Variants in ZP4 observed in about 807,000 individuals in gnomAD.
ZP4 encodes the protein zona pellucida sperm-binding protein 4.
A neutral mutation model predicts 62.3 loss-of-function variants in ZP4; 62 were observed. The observed-to-expected ratio is 0.99, with a 90% CI of 0.81 to 1.23. ZP4 has a LOEUF of 1.23. Among genes scored for constraint, ZP4 ranks in the 50% most tolerant of loss-of-function variants. ZP4 has a pLI of 0.00. For synonymous variants in ZP4, 289 were observed against 247.3 expected, an observed-to-expected ratio of 1.17 and a Z score of -1.58; for missense variants, 774 against 656.0, an observed-to-expected ratio of 1.18 and a Z score of -1.97.
chr1:237,888,928 G>A (rs1474787908), intron 3 of ZP4, among the ~76,000 whole-genome samples: 1 of 152,146 alleles, frequency 6.6e-6, no homozygotes, highest in African/African-American at 2.4e-5. Context: ...CATTTTATTA[G>A]TGCTGCCCAT....
At chr1:237,887,885 C>T (rs1214668967) in intron 4 of ZP4, among the ~76,000 whole-genome samples, 4 of 108,320 alleles carry the variant, frequency 3.7e-5, no homozygotes, top group Non-Finnish European at 6.6e-5. Context: ...ATAGCGTGTG[C>T]GATTATTAGG....
chr1:237,886,001 G>T, intron 6 of ZP4, 115 bp from the exon 7 acceptor site: 2 of 1,419,796 alleles, frequency 1.4e-6, no homozygotes, highest in Non-Finnish European at 1.9e-6. Context: ...TAAGTGTGAT[G>T]GATGTGGTTC....
At position 237,885,528 on chromosome 1, in the gene ZP4, C is replaced by G. The variant is rs1211390949; in HGVS notation, c.1023G>C (p.Leu341Phe). The change falls in exon 8 of 12, where the codon TTG (leucine) becomes TTC (phenylalanine). Residue 341 changes from leucine to phenylalanine, a missense_variant. Leu to Phe is a conservative substitution (Grantham distance 22). Transcript: ENST00000366570. ...CCTCCACGTAAATGGGATCCCGAAG[C>G]AACTTCACCACTGGGTAGTCACCAA... is the stretch of plus-strand genomic sequence containing the variant. ...YGVGDYPVVK[L>F]LRDPIYVEVS... is the part of the protein sequence containing the mutation. 1 of 1,614,152 alleles carries G rather than the reference C, an allele frequency of 6.2e-7. No individual in the cohort carries two copies. Among genetic ancestry groups the G allele is most frequent in the Non-Finnish European group, 8.5e-7 (1 of 1,180,018 alleles).
At chr1:237,883,814 A>AGAGAGGAAGAGAGAGG (rs1380501431) in intron 10 of ZP4, among the ~76,000 whole-genome samples, 1 of 150,156 alleles carries the variant, frequency 6.7e-6, no homozygotes, top group South Asian at 2.1e-4. Context: ...AGAGAGGGAG[A>AGAGAGGAAGAGAGAGG]AAGGCTGGGC....
intron 5 of ZP4, 46 bp downstream of exon 5, chr1:237,887,328 C>T: frequency 1.9e-6 from 3 of 1,599,004 alleles, no homozygotes. Flanking sequence ...TCACTACAAC[C>T]TTCCCACCCA....
chr1:237,890,031 C>T (rs1665202691), intron 2 of ZP4, 24 bp downstream of exon 2: 2 of 1,614,142 alleles, frequency 1.2e-6, no homozygotes, highest in Non-Finnish European at 1.7e-6. Context: ...CACACAGTCT[C>T]CCTGGCCATT....
chr1:237,884,180 A>C (rs1030841561), intron 10 of ZP4, among the ~76,000 whole-genome samples: 5 of 152,168 alleles, frequency 3.3e-5, no homozygotes, highest in Admixed American at 6.5e-5. Context: ...AGTAGTGATA[A>C]TATGCATTTT....
Position 237,890,569 on chromosome 1 carries a change from G to T in ZP4, c.67C>A (p.Pro23Thr). 4 of 1,614,094 alleles carry T rather than the reference G, an allele frequency of 2.5e-6. No individual in the cohort carries two copies. Among genetic ancestry groups the T allele is most frequent in the Non-Finnish European group, 3.4e-6 (4 of 1,180,018 alleles). The change falls in exon 1 of 12, where the codon CCT (proline) becomes ACT (threonine). Residue 23 changes from proline (P) to threonine (T), a missense_variant. Transcript: ENST00000366570. Reference sequence around the variant, plus strand: ...ACACTGGAATAATCTGGTGCCTCAGGCTTATGCTGGCCACTCACAGCAAGA... The same window carrying T: ...ACACTGGAATAATCTGGTGCCTCAGTCTTATGCTGGCCACTCACAGCAAGA... ...LSLAVSGQHK[P>T]EAPDYSSVLH...
At position 237,888,055 on chromosome 1, in the gene ZP4, C is replaced by T. The variant is rs552848838; in HGVS notation, c.553+303G>A. Reference sequence around the variant, plus strand: ...CAGCCTTGAAGTGACTCTCCCTAAACAATCCAAGACCATCAGCCAAAGTCG... The same window carrying T: ...CAGCCTTGAAGTGACTCTCCCTAAATAATCCAAGACCATCAGCCAAAGTCG... On this transcript the variant is annotated intron_variant, in intron 4 of 11. Transcript: ENST00000366570. 3.3e-5 allele frequency among the ~76,000 whole-genome samples: 5 copies of T among 152,342 alleles called. No homozygotes were observed. In the East Asian group the frequency reaches 9.6e-4, roughly 29 times the overall value.
Position 237,887,496 on chromosome 1 carries a change from G to T in ZP4, c.619C>A (p.Pro207Thr). The T allele has an allele frequency of 6.2e-7, 1 of 1,614,234 alleles. No individual in the cohort carries two copies. The highest frequency in any genetic ancestry group is 8.5e-7 in the Non-Finnish European group (1 of 1,180,046). Residue 207 changes from proline to threonine, a missense_variant, in exon 5 of 12, where the codon CCA (proline) becomes ACA (threonine). Pro to Thr is a conservative substitution (Grantham distance 38). Transcript: ENST00000366570. ...IAVSRNVTSP[P>T]LLLDSVRLAL... ...AAGCGCACAGAATCCAAGAGCAGTG[G>T]TGGCGAGGTCACGTTCCGAGACACA...
rs1464025865 is a variant in ZP4, at chr1:237,890,805, A to G, written c.-170T>C. ...CAGAAAGGGGAATTCCTCTAGCCTC[A>G]TTTGCTTTGGGGCACAGTCTGCAGC... On this transcript the variant is annotated 5_prime_UTR_variant, in exon 1 of 12. It removes an upstream start codon present in the reference 5' UTR. Transcript: ENST00000366570. 2 of 671,746 alleles carry G rather than the reference A, an allele frequency of 3.0e-6. No individual in the cohort carries two copies. The highest frequency in any genetic ancestry group is 5.9e-5 in the East Asian group (2 of 33,784). 41.6% of individuals were successfully genotyped at this position (671,746 alleles called of 1,614,324 possible).
chr1:237,885,488 T>A lies in ZP4; in HGVS notation c.1063A>T (p.Arg355Ter). The A allele has an allele frequency of 6.2e-7, 1 of 1,614,180 alleles. No individual in the cohort carries two copies. Residue 355 changes from arginine to a stop codon, truncating the protein, a stop_gained, in exon 8 of 12, where the codon AGA becomes TGA. Transcript: ENST00000366570. LOFTEE classifies it high-confidence loss of function. ...AGCAGCCCCAGGTAGGGGTCTGTTC[T>A]GTGAAGGATGGAGACCTCCACGTAA... ...PIYVEVSILH[R>*]TDPYLGLLLQ...
intron 1 of ZP4, 103 bp downstream of exon 1, chr1:237,890,358 G>A: frequency 6.7e-7 from 1 of 1,490,026 alleles, no homozygotes; most frequent in Non-Finnish European, 9.2e-7. Flanking sequence ...ATGCAACAGG[G>A]CTCAGAAGGT....
intron 10 of ZP4, among the ~76,000 whole-genome samples, chr1:237,883,992 ACACACACAC>A (rs1665016862): frequency 9.3e-5 from 5 of 53,654 alleles, no homozygotes; most frequent in African/African-American, 3.4e-4. Context: ...AAACACACAC[ACACACACAC>A]ACACACACAC....
intron 3 of ZP4, 44 bp downstream of exon 3, chr1:237,889,823 A>ACCC: frequency 1.9e-6 from 2 of 1,064,582 alleles, no homozygotes; most frequent in Non-Finnish European, 2.9e-6. Context: ...TTCACACCCC[A>ACCC]CCCCCACCAC....
chr1:237,885,178 G>A lies in ZP4; in HGVS notation c.1298C>T (p.Ala433Val), dbSNP rs1343255413. The part of the protein sequence containing the change: ...SFVNPTVEKQ[A>V]LRGPVHLHCS... ...GGAACATCCTACCGGTCCCCTGAGG[G>A]CCTGTTTCTCCACTGTAGGGTTCAC... Residue 433 changes from alanine (A) to valine (V), a missense_variant, in exon 9 of 12, where the codon GCC (alanine) becomes GTC (valine). Coordinates refer to ENST00000366570, the MANE Select transcript of ZP4 (RefSeq NM_021186.5). The A allele has an allele frequency of 6.2e-7, 1 of 1,613,778 alleles. No homozygotes were observed. The highest frequency in any genetic ancestry group is 2.2e-5 in the East Asian group (1 of 44,878).
intron 7 of ZP4, 67 bp downstream of exon 7, chr1:237,885,689 G>A (rs1665084888): frequency 6.3e-7 from 1 of 1,598,662 alleles, no homozygotes; most frequent in Non-Finnish European, 8.5e-7. Context: ...TACTAACTTA[G>A]GGTCTTCATG....
At chr1:237,887,293 A>G in intron 5 of ZP4, 81 bp downstream of exon 5, 4 of 1,509,320 alleles carry the variant, frequency 2.7e-6, no homozygotes, top group African/African-American at 1.4e-5. Flanking sequence ...TTCACGGCCA[A>G]CATATTTCAG....
chr1:237,884,276 G>C (rs1665042878), intron 10 of ZP4, among the ~76,000 whole-genome samples: 1 of 152,172 alleles, frequency 6.6e-6, no homozygotes, highest in Admixed American at 6.5e-5. Context: ...TAAAGCTTTA[G>C]AGGTCATGAA....
Sources: allele counts gnomAD v4.1 joint callset (sites outside exome capture counted in the v4.1 genomes callset), GRCh38; gene constraint gnomAD v4.1.1; transcripts MANE v1.5; gene names NCBI Gene and HGNC (gene_info 2026-07-23, HGNC 2026-07-21).